Variants in BTBD9 observed in about 807,000 individuals in gnomAD.
BTBD9 encodes the protein BTB/POZ domain-containing protein 9.
BTBD9 carries 49 observed loss-of-function variants against 64.3 expected under a neutral mutation model. The ratio of observed to expected loss-of-function variants is 0.76; its 90% CI spans 0.61 to 0.97. The LOEUF is 0.97. Ranked by LOEUF, BTBD9 falls within the 50% of genes least tolerant of loss-of-function variation. The pLI, the probability that BTBD9 is intolerant of heterozygous loss-of-function variation, is 0.00. For synonymous variants in BTBD9, 260 were observed against 274.7 expected (o/e 0.95, Z 0.53); for missense variants, 598 against 762.1 (o/e 0.78, Z 2.53).
chr6:38,366,503 G>A (rs777824439), intron 6 of BTBD9, among the ~76,000 whole-genome samples: 1 of 152,200 alleles, frequency 6.6e-6, no homozygotes, highest in South Asian at 2.1e-4. Flanking sequence ...TACAAAGCAT[G>A]TATATACTGT....
chr6:38,413,774 A>G (rs948871353), intron 6 of BTBD9, among the ~76,000 whole-genome samples: 2 of 152,150 alleles, frequency 1.3e-5, no homozygotes, highest in Admixed American at 6.5e-5. Context: ...TTTTTTAAAC[A>G]ATATTCTAAT....
rs550711916 is a variant in BTBD9 at position 38,344,914 on chromosome 6, A to T, written c.1264+70T>A. On this transcript the variant is annotated intron_variant, in intron 7 of 10. Transcript: ENST00000481247. The stretch of plus-strand genomic sequence containing the variant: ...TCCTTAGAACTGATTAAGATAAGTT[A>T]AGAGAGTAACAAAGTATTTGAAGAT... 3 of 1,028,022 alleles carry T rather than the reference A, an allele frequency of 2.9e-6. No individual in the cohort carries two copies. The Admixed American group carries it at 6.1e-5, about 21-fold the overall frequency. 63.7% of individuals were successfully genotyped at this position (1,028,022 alleles called of 1,614,324 possible). A position where few individuals can be genotyped will look rare whatever the true frequency, so the allele number is the denominator to read the frequency against.
At chr6:38,629,730 G>A (rs985923102) in intron 1 of BTBD9, among the ~76,000 whole-genome samples, 1 of 152,122 alleles carries the variant, frequency 6.6e-6, no homozygotes, top group Non-Finnish European at 1.5e-5. Flanking sequence ...GCTGAGGCAG[G>A]AGAATCGCTT....
At chr6:38,423,394 T>C (rs1269937633) in intron 6 of BTBD9, among the ~76,000 whole-genome samples, 1 of 152,124 alleles carries the variant, frequency 6.6e-6, no homozygotes, top group Non-Finnish European at 1.5e-5. Context: ...CACTTCCGCC[T>C]CCCAGGCTTA....
chr6:38,511,968 C>A (rs1008132826), intron 6 of BTBD9, among the ~76,000 whole-genome samples: 1 of 151,978 alleles, frequency 6.6e-6, no homozygotes, highest in African/African-American at 2.4e-5. Context: ...TGAAAACCTA[C>A]CACTATTTTT....
chr6:38,287,119 C>T (rs1761767399), intron 8 of BTBD9, among the ~76,000 whole-genome samples: 1 of 140,426 alleles, frequency 7.1e-6, no homozygotes, highest in African/African-American at 2.7e-5. Flanking sequence ...TACACACACA[C>T]ACACACACAC....
intron 6 of BTBD9, among the ~76,000 whole-genome samples, chr6:38,521,578 G>C (rs920531015): frequency 5.9e-5 from 9 of 152,172 alleles, no homozygotes; most frequent in African/African-American, 2.2e-4. Flanking sequence ...TTTCAGATTA[G>C]GAAGCATTCA....
At chr6:38,552,653 G>C (rs1038850756) in intron 6 of BTBD9, among the ~76,000 whole-genome samples, 1 of 151,710 alleles carries the variant, frequency 6.6e-6, no homozygotes, top group African/African-American at 2.4e-5. Context: ...TGTCATCCTA[G>C]CTACTCGGGA....
At chr6:38,213,364 T>TTA (rs1408554854) in intron 9 of BTBD9, among the ~76,000 whole-genome samples, 5 of 152,062 alleles carry the variant, frequency 3.3e-5, no homozygotes, top group Non-Finnish European at 7.4e-5. Flanking sequence ...TTGGGAGAGC[T>TTA]TAAAAAAATC....
At chr6:38,303,874 T>TATATATATAGAC (rs368257334) in intron 7 of BTBD9, among the ~76,000 whole-genome samples, 8 of 82,648 alleles carry the variant, frequency 9.7e-5, no homozygotes, top group Admixed American at 5.0e-4. Flanking sequence ...TATATATATA[T>TATATATATAGAC]ACACACACAC....
rs188440639 is a variant in BTBD9 at position 38,543,676 on chromosome 6, C to T, written c.1154+33924G>A. Among the ~76,000 whole-genome samples, 416 of 152,212 alleles carry T rather than the reference C, an allele frequency of 2.7e-3. 5 individuals are homozygous for T. Among genetic ancestry groups the T allele is most frequent in the African/African-American group, 9.6e-3 (397 of 41,522 alleles). On this transcript the variant is annotated intron_variant, in intron 6 of 10. Coordinates refer to ENST00000481247, the MANE Select transcript of BTBD9 (RefSeq NM_001099272.2). Reference sequence around the variant, plus strand: ...GATCAAACAACCAAAAAACCTGCCCCGCCGGGCGCGGTGGCTCACGCCTGT... The same window carrying T: ...GATCAAACAACCAAAAAACCTGCCCTGCCGGGCGCGGTGGCTCACGCCTGT...
chr6:38,287,109 TAC>T (rs70981534), intron 8 of BTBD9, among the ~76,000 whole-genome samples: 27,371 of 87,096 alleles, frequency 0.31, 4,282 homozygotes, highest in Non-Finnish European at 0.37. Flanking sequence ...AAAAAAAATA[TAC>T]ACACACACAC....
intron 1 of BTBD9, among the ~76,000 whole-genome samples, chr6:38,602,920 G>C (rs1777306912): frequency 6.6e-6 from 1 of 152,090 alleles, no homozygotes; most frequent in South Asian, 2.1e-4. Context: ...TGGCCTACTA[G>C]GACATTCCAT....
At chr6:38,529,290 C>T (rs1345723699) in intron 6 of BTBD9, among the ~76,000 whole-genome samples, 2 of 152,182 alleles carry the variant, frequency 1.3e-5, no homozygotes, top group Admixed American at 6.5e-5. Flanking sequence ...AAAGAAGAGT[C>T]TCCACCTGGT....
intron 6 of BTBD9, among the ~76,000 whole-genome samples, chr6:38,543,106 G>C (rs1439362075): frequency 6.6e-6 from 1 of 152,134 alleles, no homozygotes; most frequent in Admixed American, 6.6e-5. Context: ...ACCTGTACAA[G>C]CCTTCTTTCT....
At chr6:38,528,551 G>A (rs753259344) in intron 6 of BTBD9, among the ~76,000 whole-genome samples, 1 of 152,172 alleles carries the variant, frequency 6.6e-6, no homozygotes, top group African/African-American at 2.4e-5. Context: ...AGAGGAGAAG[G>A]AAGAGTATTT....
chr6:38,290,904 C>T (rs114252350), intron 7 of BTBD9, among the ~76,000 whole-genome samples: 107 of 152,286 alleles, frequency 7.0e-4, no homozygotes, highest in African/African-American at 2.5e-3. Context: ...CAGACAGGTA[C>T]ATCTGGGTCA....
intron 6 of BTBD9, among the ~76,000 whole-genome samples, chr6:38,540,238 T>C (rs541932065): frequency 1.3e-5 from 2 of 152,192 alleles, no homozygotes; most frequent in Non-Finnish European, 2.9e-5. Flanking sequence ...CTGGGTCAAG[T>C]TCCATCTTTT....
rs1764582261 is a variant in BTBD9, at chr6:38,256,451, T to G, written c.1520A>C (p.Gln507Pro). ...SYYVEVSTNQ[Q>P]QWTMVADRTK... Reference sequence around the variant, plus strand: ...TCTGTCAGCAACCATGGTCCACTGTTGCTGGTTGGTAGAAACCTCAACGTA... The same window carrying G: ...TCTGTCAGCAACCATGGTCCACTGTGGCTGGTTGGTAGAAACCTCAACGTA... The change falls in exon 9 of 11, where the codon CAA becomes CCA. Residue 507 changes from glutamine (Q) to proline (P), a missense_variant. Transcript: ENST00000481247. 3.7e-6 allele frequency: 6 copies of G among 1,614,008 alleles called. No individual in the cohort carries two copies. Among genetic ancestry groups the G allele is most frequent in the Non-Finnish European group, 5.1e-6 (6 of 1,179,962 alleles).
Sources: gnomAD v4.1 joint callset for allele counts (sites outside exome capture counted in the v4.1 genomes callset) on GRCh38, gnomAD v4.1.1 for gene constraint, MANE v1.5 for transcripts, NCBI Gene and HGNC (gene_info 2026-07-23, HGNC 2026-07-21) for gene names.